SSR3: variants seen among roughly 807,000 people sequenced by gnomAD.
SSR3 encodes the protein signal sequence receptor subunit 3, also known as translocon-associated protein subunit gamma.
Under a neutral mutation model 22.1 loss-of-function variants are expected in SSR3, and 10 were observed. The ratio of observed to expected loss-of-function variants is 0.45; its 90% CI spans 0.28 to 0.77. The LOEUF (loss-of-function observed/expected upper bound fraction) is 0.77, where lower values mean the gene tolerates loss of function less well. Ranked by LOEUF, SSR3 falls within the 30% of genes least tolerant of loss-of-function variation. The pLI is 0.13. For missense variants in SSR3, 181 were observed against 220.5 expected, an observed-to-expected ratio of 0.82 and a Z score of 1.13; for synonymous variants, 104 against 82.5, an observed-to-expected ratio of 1.26 and a Z score of -1.42.
intron 3 of SSR3, among the ~76,000 whole-genome samples, chr3:156,547,498 A>C (rs1719806950): frequency 6.6e-6 from 1 of 152,148 alleles, no homozygotes; most frequent in African/African-American, 2.4e-5. Flanking sequence ...ATACAACAAA[A>C]AGTTTTTTCT....
At chr3:156,554,200 A>G (rs1301851229) in intron 1 of SSR3, 1 of 155,534 alleles carries the variant, frequency 6.4e-6, no homozygotes, top group Non-Finnish European at 1.4e-5. Context: ...GCTATGTCCA[A>G]TTAGTGAGCC....
chr3:156,545,995 C>A lies in SSR3; in HGVS notation c.360-1556G>T, dbSNP rs1382037904. 2.0e-5 allele frequency among the ~76,000 whole-genome samples: 3 copies of A among 152,194 alleles called. No individual in the cohort carries two copies. The East Asian group carries it at 5.8e-4, about 29-fold the overall frequency. Reference sequence around the variant, plus strand: ...CGTAGGTTATTAGGCTGACTTTACTCTAGATGATAAAATTATCTCACTTGC... The same window carrying A: ...CGTAGGTTATTAGGCTGACTTTACTATAGATGATAAAATTATCTCACTTGC... On this transcript the variant is annotated intron_variant, in intron 3 of 4. Coordinates refer to ENST00000265044, the MANE Select transcript of SSR3 (RefSeq NM_007107.5).
At chr3:156,551,759 T>C (rs1719965704) in intron 2 of SSR3, among the ~76,000 whole-genome samples, 1 of 152,128 alleles carries the variant, frequency 6.6e-6, no homozygotes, top group South Asian at 2.1e-4. Flanking sequence ...AGCAAAGAAA[T>C]GATCAAAATC....
At chr3:156,547,339 A>G (rs1160861666) in intron 3 of SSR3, among the ~76,000 whole-genome samples, 1 of 152,206 alleles carries the variant, frequency 6.6e-6, no homozygotes, top group Non-Finnish European at 1.5e-5. Context: ...TGCCAGACCA[A>G]ATCTGCCCAA....
Position 156,543,081 on chromosome 3 carries a change from G to A in SSR3, c.*122C>T. The A allele has an allele frequency of 4.7e-6, 3 of 633,022 alleles. No homozygotes were observed. Among genetic ancestry groups the A allele is most frequent in the South Asian group, 3.3e-5 (1 of 30,330 alleles). The allele number at this position is 633,022 out of a possible 1,614,324, so 39.2% of individuals were successfully genotyped here. ...ACAAATACTGAATTACATTCTGCTG[G>A]GTTTTTTAAAGGCTCTAGACTATAA... On this transcript the variant is annotated 3_prime_UTR_variant, in exon 5 of 5. Transcript: ENST00000265044.
At chr3:156,549,900 G>C (rs544442121) in intron 2 of SSR3, among the ~76,000 whole-genome samples, 56 of 152,256 alleles carry the variant, frequency 3.7e-4, no homozygotes, top group Non-Finnish European at 7.1e-4. Context: ...GCAGAGAGCT[G>C]TCTTTTTAAG....
rs753632310 is a variant in SSR3 at position 156,539,562 on chromosome 3, A to AGAT, written c.*3638_*3640dup. On this transcript the variant is annotated 3_prime_UTR_variant, in exon 5 of 5. Transcript: ENST00000265044. ...ATCAAACAGGGATAAGTCAGCGAAA[A>AGAT]GATGATATATTGAAAATTCATGAAG... 1.2e-4 allele frequency among the ~76,000 whole-genome samples: 18 copies of AGAT among 152,186 alleles called. No individual in the cohort carries two copies. The highest frequency in any genetic ancestry group is 2.4e-4 in the Non-Finnish European group (16 of 68,028).
chr3:156,544,239 C>G, intron 4 of SSR3, 69 bp downstream of exon 4: 1 of 1,401,220 alleles, frequency 7.1e-7, no homozygotes, highest in Non-Finnish European at 9.4e-7. Context: ...AATATCCAGA[C>G]AAGTCAAAAC....
chr3:156,553,838 C>T (rs2292339), intron 1 of SSR3, 57 bp from the exon 2 acceptor site: 193,870 of 1,515,032 alleles, frequency 0.13, 13,137 homozygotes, highest in East Asian at 0.2. Context: ...TACAACCCCG[C>T]AACAAAAGCC....
rs1364030754 is a variant in SSR3 at position 156,543,044 on chromosome 3, A to C, written c.*159T>G. On this transcript the variant is annotated 3_prime_UTR_variant, in exon 5 of 5. Transcript: ENST00000265044. Reference sequence around the variant, plus strand: ...ATTTAATTTCAACAATCTGTCAAAAAACAGCCAATAAACAAATACTGAATT... The same window carrying C: ...ATTTAATTTCAACAATCTGTCAAAACACAGCCAATAAACAAATACTGAATT... The C allele has an allele frequency of 2.0e-6, 1 of 501,058 alleles. No individual in the cohort carries two copies. The highest frequency in any genetic ancestry group is 3.4e-5 in the Admixed American group (1 of 29,082). The allele number at this position is 501,058 out of a possible 1,614,324, so 31.0% of individuals were successfully genotyped here.
chr3:156,551,685 C>CT (rs1320693179), intron 2 of SSR3, among the ~76,000 whole-genome samples: 4 of 152,234 alleles, frequency 2.6e-5, no homozygotes, highest in Non-Finnish European at 4.4e-5. Flanking sequence ...CCCCTGTTAA[C>CT]TGAGATCATC....
rs1360290565 is a variant in SSR3, at chr3:156,539,887, CTCAATGCCTT to C, written c.*3306_*3315del. Among the ~76,000 whole-genome samples, 1 of 152,186 alleles carries C rather than the reference CTCAATGCCTT, an allele frequency of 6.6e-6. No individual in the cohort carries two copies. Among genetic ancestry groups the C allele is most frequent in the Non-Finnish European group, 1.5e-5 (1 of 68,038 alleles). Reference sequence around the variant, plus strand: ...TGATGTCTGCCCTTTACTGTAACTGCTCAATGCCTTTCATTGCCTCACATACATTTGATTG... The same window carrying C: ...TGATGTCTGCCCTTTACTGTAACTGCTCATTGCCTCACATACATTTGATTG... On this transcript the variant is annotated 3_prime_UTR_variant, in exon 5 of 5. Coordinates refer to ENST00000265044, the MANE Select transcript of SSR3 (RefSeq NM_007107.5).
chr3:156,546,709 A>G (rs1719776525), intron 3 of SSR3, among the ~76,000 whole-genome samples: 1 of 152,156 alleles, frequency 6.6e-6, no homozygotes, highest in Non-Finnish European at 1.5e-5. Context: ...TATCTTAAGG[A>G]TGTTTTCAGG....
intron 3 of SSR3, among the ~76,000 whole-genome samples, chr3:156,548,258 A>G (rs112924759): frequency 7.1e-4 from 108 of 152,328 alleles, no homozygotes; most frequent in Middle Eastern, 6.8e-3. Context: ...CAGCCGGCAG[A>G]AAAAATTGGG....
rs970465326 is a variant in SSR3, at chr3:156,548,896, G to C, written c.359+9C>G. The stretch of plus-strand genomic sequence containing the variant: ...TTTATGATGGCCATACTTTAAACAG[G>C]AGTCAAACCTTTCATCTTTCTCCTT... On this transcript the variant is annotated intron_variant, in intron 3 of 4. Transcript: ENST00000265044. 4 of 1,612,342 alleles carry C rather than the reference G, an allele frequency of 2.5e-6. No homozygotes were observed. The highest frequency in any genetic ancestry group is 3.4e-6 in the Non-Finnish European group (4 of 1,179,580).
chr3:156,548,342 A>G (rs1235512918), intron 3 of SSR3, among the ~76,000 whole-genome samples: 1 of 152,212 alleles, frequency 6.6e-6, no homozygotes, highest in Non-Finnish European at 1.5e-5. Flanking sequence ...TTCCCAACCA[A>G]TACAGATAAC....
intron 2 of SSR3, among the ~76,000 whole-genome samples, chr3:156,550,365 G>C (rs1346252102): frequency 6.6e-6 from 1 of 152,168 alleles, no homozygotes; most frequent in Non-Finnish European, 1.5e-5. Context: ...TCAACCGATT[G>C]TCCACATGAT....
intron 1 of SSR3, 33 bp downstream of exon 1, chr3:156,554,924 G>A (rs1366217917): frequency 1.9e-6 from 3 of 1,600,280 alleles, no homozygotes; most frequent in Admixed American, 3.5e-5. Flanking sequence ...CTAGCCGGCG[G>A]CCTGCCTAAC....
chr3:156,542,265 T>G lies in SSR3; in HGVS notation c.*938A>C, dbSNP rs1038539180. On this transcript the variant is annotated 3_prime_UTR_variant, in exon 5 of 5. Coordinates refer to ENST00000265044, the MANE Select transcript of SSR3 (RefSeq NM_007107.5). ...CAATGGGAACCTGTGAACTAAAGAG[T>G]CAAATGTATGAAAGTCCTCATGGAA... The G allele has an allele frequency of 6.6e-6, 1 of 151,960 alleles. No homozygotes were observed. The highest frequency in any genetic ancestry group is 1.5e-5 in the Non-Finnish European group (1 of 67,994). The allele number at this position is 151,960 out of a possible 1,614,324, so 9.4% of individuals were successfully genotyped here. A position where few individuals can be genotyped will look rare whatever the true frequency, so the allele number is the denominator to read the frequency against.
Sources: gnomAD v4.1 joint callset for allele counts (sites outside exome capture counted in the v4.1 genomes callset) on GRCh38, gnomAD v4.1.1 for gene constraint, MANE v1.5 for transcripts, NCBI Gene and HGNC (gene_info 2026-07-23, HGNC 2026-07-21) for gene names.